Variants in TNNC1 observed in about 807,000 individuals in gnomAD.
The protein encoded by TNNC1 is troponin C, slow skeletal and cardiac muscles.
TNNC1 carries 10 observed loss-of-function variants against 19.6 expected under a neutral mutation model. That is an observed-to-expected ratio of 0.51 (90% CI 0.31 to 0.87). The LOEUF (loss-of-function observed/expected upper bound fraction) is 0.87, where lower values mean the gene tolerates loss of function less well. TNNC1 is among the 40% of genes least tolerant of loss of function. The pLI is 0.04. For missense variants in TNNC1, 115 were observed against 219.8 expected (o/e 0.52, Z 3.02); for synonymous variants, 85 against 80.1 (o/e 1.06, Z -0.33).
rs1706344977 is a variant in TNNC1, at chr3:52,452,583, A to G, written c.25-70T>C. ...GCTGCTGAGGAAACCAACCCATTCC[A>G]CAGGTGAGAAGGCTGGAGCTGGAGG... On this transcript the variant is annotated intron_variant, in intron 1 of 5. Transcript: ENST00000232975. The surrounding 1 kb of genome is among the most constrained non-coding windows in gnomAD (Gnocchi z 5.2). 2 of 1,530,336 alleles carry G rather than the reference A, an allele frequency of 1.3e-6. No individual in the cohort carries two copies. Among genetic ancestry groups the G allele is most frequent in the Non-Finnish European group, 1.8e-6 (2 of 1,113,252 alleles). 94.8% of individuals were successfully genotyped at this position (1,530,336 alleles called of 1,614,324 possible).
chr3:52,451,576 C>T lies in TNNC1; in HGVS notation c.318-49G>A, dbSNP rs1706328743. Reference sequence around the variant, plus strand: ...GGGCTGTGGGGAGGGCATGAGGCAGCCCCACCCATGCCCCAGGAGGCAGAG... The same window carrying T: ...GGGCTGTGGGGAGGGCATGAGGCAGTCCCACCCATGCCCCAGGAGGCAGAG... On this transcript the variant is annotated intron_variant, in intron 4 of 5. Coordinates refer to ENST00000232975, the MANE Select transcript of TNNC1 (RefSeq NM_003280.3). The surrounding 1 kb of genome is among the most constrained non-coding windows in gnomAD (Gnocchi z 4.8). 1 of 1,611,978 alleles carries T rather than the reference C, an allele frequency of 6.2e-7. No individual in the cohort carries two copies. Among genetic ancestry groups the T allele is most frequent in the Non-Finnish European group, 8.5e-7 (1 of 1,178,742 alleles).
Position 52,452,040 on chromosome 3 carries a change from C to G in TNNC1, c.202+66G>C, listed in dbSNP as rs1706337270. ...ATAGGCTAAATTGCTCCCAGCTAAACAGAGCCAGCATTCCAGCCCCCAGCC... is the reference window on the plus strand; with the variant it reads ...ATAGGCTAAATTGCTCCCAGCTAAAGAGAGCCAGCATTCCAGCCCCCAGCC... On this transcript the variant is annotated intron_variant, in intron 3 of 5. Transcript: ENST00000232975. The surrounding 1 kb of genome is among the most constrained non-coding windows in gnomAD (Gnocchi z 5.2). The G allele has an allele frequency of 6.2e-7, 1 of 1,612,152 alleles. No homozygotes were observed. Among genetic ancestry groups the G allele is most frequent in the South Asian group, 1.1e-5 (1 of 91,050 alleles).
chr3:52,453,121 G>A lies in TNNC1; in HGVS notation c.25-608C>T, dbSNP rs908899634. Among the ~76,000 whole-genome samples the A allele has an allele frequency of 4.6e-5, 7 of 152,338 alleles. No individual in the cohort carries two copies. In the South Asian group the frequency reaches 1.4e-3, roughly 32 times the overall value. Reference sequence around the variant, plus strand: ...ATGGACTCCCACAGGATAAGCAGGCGTGCCCCCAGAGCTGGCTATAGCACT... The same window carrying A: ...ATGGACTCCCACAGGATAAGCAGGCATGCCCCCAGAGCTGGCTATAGCACT... On this transcript the variant is annotated intron_variant, in intron 1 of 5. Transcript: ENST00000232975.
rs1416895566 is a variant in TNNC1, at chr3:52,451,283, C to T, written c.478G>A (p.Val160Met). 2 of 1,614,134 alleles carry T rather than the reference C, an allele frequency of 1.2e-6. No homozygotes were observed. Among genetic ancestry groups the T allele is most frequent in the South Asian group, 1.1e-5 (1 of 91,084 alleles). Residue 160 changes from valine to methionine, a missense_variant, in exon 6 of 6, where the codon GTG (valine) becomes ATG (methionine). By Grantham distance (21) the Val-to-Met change is conservative (BLOSUM62 1). Around this residue, in one of 2 missense-constraint regions of TNNC1, gnomAD observed 96 missense variants for 114.2 expected, o/e 0.84. Coordinates refer to ENST00000232975, the MANE Select transcript of TNNC1 (RefSeq NM_003280.3). The surrounding 1 kb of genome is among the most constrained non-coding windows in gnomAD (Gnocchi z 4.8). The part of the protein sequence containing the change: ...YDEFLEFMKG[V>M]E The stretch of plus-strand genomic sequence containing the variant: ...TGGGTGAAGGTCAGCATCTACTCCA[C>T]ACCCTTCATGAACTCCAGGAACTCT...
Position 52,452,409 on chromosome 3 carries a change from GTCC to G in TNNC1, c.55+71_55+73del. The G allele has an allele frequency of 6.3e-7, 1 of 1,592,202 alleles. No homozygotes were observed. Among genetic ancestry groups the G allele is most frequent in the South Asian group, 1.1e-5 (1 of 89,612 alleles). On this transcript the variant is annotated intron_variant, in intron 2 of 5. Coordinates refer to ENST00000232975, the MANE Select transcript of TNNC1 (RefSeq NM_003280.3). This position sits in a 1 kb window ranked among gnomAD's most constrained non-coding sequence, Gnocchi z 5.2. Reference sequence around the variant, plus strand: ...CCAAGCCTCTGGTCTCTGGCCTGGGGTCCTCTTCTGATAAGGGGTCCCCATGCC... The same window carrying G: ...CCAAGCCTCTGGTCTCTGGCCTGGGGTCTTCTGATAAGGGGTCCCCATGCC...
rs1706350489 is a variant in TNNC1 at position 52,452,985 on chromosome 3, C to T, written c.25-472G>A. ...CTTTGGCATGCAGGGGGTGGGGCAG[C>T]GTTATCTGGCCCCCTGGCCTGCTAG... On this transcript the variant is annotated intron_variant, in intron 1 of 5. Coordinates refer to ENST00000232975, the MANE Select transcript of TNNC1 (RefSeq NM_003280.3). The surrounding 1 kb of genome is among the most constrained non-coding windows in gnomAD (Gnocchi z 5.2). Among the ~76,000 whole-genome samples, 1 of 152,242 alleles carries T rather than the reference C, an allele frequency of 6.6e-6. No individual in the cohort carries two copies. The highest frequency in any genetic ancestry group is 2.4e-5 in the African/African-American group (1 of 41,464).
In TNNC1 at chr3:52,451,380, C is replaced by T; in HGVS notation, c.454+11G>A. The T allele has an allele frequency of 6.2e-7, 1 of 1,614,128 alleles. No individual in the cohort carries two copies. Among genetic ancestry groups the T allele is most frequent in the Non-Finnish European group, 8.5e-7 (1 of 1,180,006 alleles). On this transcript the variant is annotated intron_variant, in intron 5 of 5. Transcript: ENST00000232975. The surrounding 1 kb of genome is among the most constrained non-coding windows in gnomAD (Gnocchi z 4.8). ...CATGGAGGCAGGAGATCAGCCCACC[C>T]ACCCGCTTACCATCATAGTCGATGC...
chr3:52,452,581 C>T lies in TNNC1; in HGVS notation c.25-68G>A. 6.5e-7 allele frequency: 1 copy of T among 1,547,682 alleles called. No individual in the cohort carries two copies. The highest frequency in any genetic ancestry group is 8.9e-7 in the Non-Finnish European group (1 of 1,128,086). On this transcript the variant is annotated intron_variant, in intron 1 of 5. Transcript: ENST00000232975. This position sits in a 1 kb window ranked among gnomAD's most constrained non-coding sequence, Gnocchi z 5.2. The stretch of plus-strand genomic sequence containing the variant: ...CTGCTGCTGAGGAAACCAACCCATT[C>T]CACAGGTGAGAAGGCTGGAGCTGGA...
Position 52,452,454 on chromosome 3 carries a change from T to G in TNNC1, c.55+29A>C. 6.2e-7 allele frequency: 1 copy of G among 1,612,162 alleles called. No individual in the cohort carries two copies. The highest frequency in any genetic ancestry group is 8.5e-7 in the Non-Finnish European group (1 of 1,179,188). On this transcript the variant is annotated intron_variant, in intron 2 of 5. Coordinates refer to ENST00000232975, the MANE Select transcript of TNNC1 (RefSeq NM_003280.3). This position sits in a 1 kb window ranked among gnomAD's most constrained non-coding sequence, Gnocchi z 5.2. ...CCCCATGCCAGCCTGGACCCGCTGG[T>G]CTCCCACATGTGTGATAGGGATTCT... is the stretch of plus-strand genomic sequence containing the variant.
rs369787178 is a variant in TNNC1 at position 52,451,903 on chromosome 3, T to C, written c.203-45A>G. ...CCGTTACAGAGGCCAGGGTAGGTAC[T>C]GCAGGCAGCACCTTCGACACGAACC... On this transcript the variant is annotated intron_variant, in intron 3 of 5. Coordinates refer to ENST00000232975, the MANE Select transcript of TNNC1 (RefSeq NM_003280.3). The surrounding 1 kb of genome is among the most constrained non-coding windows in gnomAD (Gnocchi z 4.8). 3 of 1,585,678 alleles carry C rather than the reference T, an allele frequency of 1.9e-6. No homozygotes were observed. The highest frequency in any genetic ancestry group is 1.1e-5 in the South Asian group (1 of 90,584).
Position 52,451,956 on chromosome 3 carries a change from A to G in TNNC1, c.203-98T>C, listed in dbSNP as rs1706334645. 2 of 1,540,694 alleles carry G rather than the reference A, an allele frequency of 1.3e-6. No individual in the cohort carries two copies. ...CATGTTCTCACCGCATCCTCACACC[A>G]AACGCCAGGCTTGTGTAGCCCTTAT... On this transcript the variant is annotated intron_variant, in intron 3 of 5. Coordinates refer to ENST00000232975, the MANE Select transcript of TNNC1 (RefSeq NM_003280.3). The surrounding 1 kb of genome is among the most constrained non-coding windows in gnomAD (Gnocchi z 4.8).
chr3:52,452,886 G>A lies in TNNC1; in HGVS notation c.25-373C>T, dbSNP rs115716895. 0.04 allele frequency: 14,764 copies of A among 369,428 alleles called. 401 individuals carry two copies. The highest frequency in any genetic ancestry group is 0.05 in the Non-Finnish European group (9,634 of 194,472). The allele number at this position is 369,428 out of a possible 1,614,324, so 22.9% of individuals were successfully genotyped here. A position where few individuals can be genotyped will look rare whatever the true frequency, so the allele number is the denominator to read the frequency against. ...GTGTGGAGGCAGGCAAGCCACCCACGGTAACCTGACCAGGGTGGCCACTGG... is the reference window on the plus strand; with the variant it reads ...GTGTGGAGGCAGGCAAGCCACCCACAGTAACCTGACCAGGGTGGCCACTGG... On this transcript the variant is annotated intron_variant, in intron 1 of 5. Transcript: ENST00000232975. The surrounding 1 kb of genome is among the most constrained non-coding windows in gnomAD (Gnocchi z 5.2).
chr3:52,451,155 G>C lies in TNNC1; in HGVS notation c.*120C>G. ...AGGACAGATCTGGGGAGGGAGTCGG[G>C]GGATTTGGGGTTGAGGACATGGCCA... is the stretch of plus-strand genomic sequence containing the variant. On this transcript the variant is annotated 3_prime_UTR_variant, in exon 6 of 6. Transcript: ENST00000232975. The surrounding 1 kb of genome is among the most constrained non-coding windows in gnomAD (Gnocchi z 4.8). 8.6e-7 allele frequency: 1 copy of C among 1,167,584 alleles called. No individual in the cohort carries two copies. Among genetic ancestry groups the C allele is most frequent in the South Asian group, 1.3e-5 (1 of 78,850 alleles). 72.3% of individuals were successfully genotyped at this position (1,167,584 alleles called of 1,614,324 possible).
In TNNC1 at chr3:52,451,839, A is replaced by G. The variant is rs746394204; in HGVS notation, c.222T>C (p.Phe74=). 9 of 1,613,954 alleles carry G rather than the reference A, an allele frequency of 5.6e-6. No individual in the cohort carries two copies. Among genetic ancestry groups the G allele is most frequent in the African/African-American group, 1.3e-5 (1 of 74,894 alleles). Residue 74 remains phenylalanine (F), a synonymous_variant, in exon 4 of 6, where the codon TTT becomes TTC. Transcript: ENST00000232975. The surrounding 1 kb of genome is among the most constrained non-coding windows in gnomAD (Gnocchi z 4.8). ...VDEDGSGTVD[F]DEFLVMMVRC... ...GAACCATCATGACCAGGAACTCATC[A>G]AAGTCCACCGTGCCGCTGCCTGGGG...
chr3:52,452,616 C>A lies in TNNC1; in HGVS notation c.25-103G>T. 7.8e-7 allele frequency: 1 copy of A among 1,287,546 alleles called. No individual in the cohort carries two copies. 79.8% of individuals were successfully genotyped at this position (1,287,546 alleles called of 1,614,324 possible). On this transcript the variant is annotated intron_variant, in intron 1 of 5. Transcript: ENST00000232975. This position sits in a 1 kb window ranked among gnomAD's most constrained non-coding sequence, Gnocchi z 5.2. Reference sequence around the variant, plus strand: ...GAAGGCTGGAGCTGGAGGAGGCAGGCTATTTCCAGGCCACAGAGTGGAGGT... The same window carrying A: ...GAAGGCTGGAGCTGGAGGAGGCAGGATATTTCCAGGCCACAGAGTGGAGGT...
chr3:52,451,880 G>C lies in TNNC1; in HGVS notation c.203-22C>G. ...CTGCCTGGGGGTGGGCAGCATGGCCGTTACAGAGGCCAGGGTAGGTACTGC... is the reference window on the plus strand; with the variant it reads ...CTGCCTGGGGGTGGGCAGCATGGCCCTTACAGAGGCCAGGGTAGGTACTGC... On this transcript the variant is annotated intron_variant, in intron 3 of 5. Transcript: ENST00000232975. This position sits in a 1 kb window ranked among gnomAD's most constrained non-coding sequence, Gnocchi z 4.8. 2 of 1,605,218 alleles carry C rather than the reference G, an allele frequency of 1.2e-6. No individual in the cohort carries two copies. The highest frequency in any genetic ancestry group is 1.7e-6 in the Non-Finnish European group (2 of 1,172,188).
Position 52,452,405 on chromosome 3 carries a change from T to C in TNNC1, c.55+78A>G. On this transcript the variant is annotated intron_variant, in intron 2 of 5. Coordinates refer to ENST00000232975, the MANE Select transcript of TNNC1 (RefSeq NM_003280.3). This position sits in a 1 kb window ranked among gnomAD's most constrained non-coding sequence, Gnocchi z 5.2. ...GGGACCAAGCCTCTGGTCTCTGGCC[T>C]GGGGTCCTCTTCTGATAAGGGGTCC... The C allele has an allele frequency of 6.3e-7, 1 of 1,591,720 alleles. No individual in the cohort carries two copies. Among genetic ancestry groups the C allele is most frequent in the Non-Finnish European group, 8.6e-7 (1 of 1,166,322 alleles).
chr3:52,452,244 C>A lies in TNNC1; in HGVS notation c.64G>T (p.Ala22Ser). The A allele has an allele frequency of 6.2e-7, 1 of 1,611,940 alleles. No individual in the cohort carries two copies. Among genetic ancestry groups the A allele is most frequent in the Non-Finnish European group, 8.5e-7 (1 of 1,180,016 alleles). The change falls in exon 3 of 6, where the codon GCA becomes TCA. Residue 22 changes from alanine (A) to serine (S), a missense_variant. This residue lies in a region of TNNC1 where 19 missense variants were observed against 105.6 expected (regional missense o/e 0.18). Transcript: ENST00000232975. The surrounding 1 kb of genome is among the most constrained non-coding windows in gnomAD (Gnocchi z 5.2). Reference sequence around the variant, plus strand: ...CCCAGCACGAAGATGTCGAAGGCTGCCTTGAACTCTGTGTTCAGGGGTTGG... The same window carrying A: ...CCCAGCACGAAGATGTCGAAGGCTGACTTGAACTCTGTGTTCAGGGGTTGG... ...LTEEQKNEFKAAFDIFVLGAE... is the reference protein window; with the variant it reads ...LTEEQKNEFKSAFDIFVLGAE...
Position 52,452,042 on chromosome 3 carries a change from G to C in TNNC1, c.202+64C>G. On this transcript the variant is annotated intron_variant, in intron 3 of 5. Transcript: ENST00000232975. The surrounding 1 kb of genome is among the most constrained non-coding windows in gnomAD (Gnocchi z 5.2). Reference sequence around the variant, plus strand: ...AGGCTAAATTGCTCCCAGCTAAACAGAGCCAGCATTCCAGCCCCCAGCCAG... The same window carrying C: ...AGGCTAAATTGCTCCCAGCTAAACACAGCCAGCATTCCAGCCCCCAGCCAG... 7 of 1,612,226 alleles carry C rather than the reference G, an allele frequency of 4.3e-6. No homozygotes were observed. The highest frequency in any genetic ancestry group is 1.7e-5 in the Admixed American group (1 of 60,012).
Sources: allele counts gnomAD v4.1 joint callset (sites outside exome capture counted in the v4.1 genomes callset), GRCh38; gene constraint gnomAD v4.1.1; regional missense constraint gnomAD v4.1.1; non-coding constraint Gnocchi (gnomAD v3.1); transcripts MANE v1.5; gene names NCBI Gene and HGNC (gene_info 2026-07-23, HGNC 2026-07-21).